The following ATP13A3 variants were observed in gnomAD, a reference collection of about 807,000 sequenced individuals.
ATP13A3 encodes the protein ATPase 13A3.
In ATP13A3, 59 loss-of-function variants were observed where a neutral mutation model predicts 158.1. The observed-to-expected ratio is 0.37, with a 90% CI of 0.30 to 0.46. ATP13A3 has a LOEUF of 0.46. ATP13A3 is among the 20% of genes least tolerant of loss of function. ATP13A3 has a pLI of 1.00. For missense variants in ATP13A3, 1,166 were observed against 1,525.2 expected (o/e 0.76, Z 3.92); for synonymous variants, 491 against 504.3 (o/e 0.97, Z 0.35).
At chr3:194,426,399 C>T (rs1470144613) in intron 29 of ATP13A3, among the ~76,000 whole-genome samples, 3 of 152,138 alleles carry the variant, frequency 2.0e-5, no homozygotes, top group South Asian at 2.1e-4. Flanking sequence ...CTACACTCTA[C>T]GAAAAGCAAA....
chr3:194,461,786 T>C (rs1719680438), intron 3 of ATP13A3, among the ~76,000 whole-genome samples: 1 of 152,212 alleles, frequency 6.6e-6, no homozygotes, highest in Non-Finnish European at 1.5e-5. Context: ...TTGGCTTTTT[T>C]TATTAAGCTG....
rs114463319 is a variant in ATP13A3 at position 194,443,282 on chromosome 3, A to G, written c.1559+1443T>C. Among the ~76,000 whole-genome samples the G allele has an allele frequency of 6.1e-3, 924 of 152,314 alleles. 10 individuals are homozygous for G. The highest frequency in any genetic ancestry group is 0.021 in the African/African-American group (876 of 41,560). On this transcript the variant is annotated intron_variant, in intron 15 of 33. Coordinates refer to ENST00000645319, the MANE Select transcript of ATP13A3 (RefSeq NM_001367549.1). ...GTTTTGGGGGGCAGGGGAGTGGTTA[A>G]AAGGCAGTATTAACATCCATGAACT... is the stretch of plus-strand genomic sequence containing the variant.
intron 33 of ATP13A3, among the ~76,000 whole-genome samples, chr3:194,410,580 A>G (rs1261689046): frequency 6.6e-6 from 1 of 152,040 alleles, no homozygotes; most frequent in Non-Finnish European, 1.5e-5. Flanking sequence ...ACAAAAAGAG[A>G]AGGGCAGATA....
At chr3:194,414,190 C>T (rs1263529575) in intron 31 of ATP13A3, among the ~76,000 whole-genome samples, 1 of 152,110 alleles carries the variant, frequency 6.6e-6, no homozygotes, top group Non-Finnish European at 1.5e-5. Context: ...CAGCCAGGCA[C>T]AGTGGCTCAT....
At chr3:194,406,670 T>TA (rs1714959184) in intron 33 of ATP13A3, among the ~76,000 whole-genome samples, 1 of 152,232 alleles carries the variant, frequency 6.6e-6, no homozygotes. Flanking sequence ...AACTATCTTT[T>TA]GGTACTATTG....
chr3:194,406,049 T>G lies in ATP13A3; in HGVS notation c.3641A>C (p.Lys1214Thr), dbSNP rs1714904167. The G allele has an allele frequency of 3.1e-6, 5 of 1,614,186 alleles. No homozygotes were observed. In the East Asian group the frequency reaches 1.1e-4, roughly 36 times the overall value. The change falls in exon 34 of 34, where the codon AAG becomes ACG. Residue 1214 changes from lysine to threonine, a missense_variant. Lys to Thr is a moderately conservative substitution (Grantham distance 78, BLOSUM62 -1). Transcript: ENST00000645319. ...WALGCRKKTP[K>T]AKYMYLAQEL... The stretch of plus-strand genomic sequence containing the variant: ...CTGCGCCAGATACATGTACTTTGCC[T>G]TTGGTGTCTTCTTTCTACAGCCCAG...
In ATP13A3 at chr3:194,425,403, G is replaced by A. The variant is rs1716691578; in HGVS notation, c.3252C>T (p.Tyr1084=). The A allele has an allele frequency of 6.2e-7, 1 of 1,613,424 alleles. No homozygotes were observed. The highest frequency in any genetic ancestry group is 1.1e-5 in the South Asian group (1 of 90,886). ...TTVFFISSFQ[Y]LIVAIAFSKG... Reference sequence around the variant, plus strand: ...TTGAAAAGGCAATTGCCACTATGAGGTACTGAAAACTGGAAATAAAAAACA... The same window carrying A: ...TTGAAAAGGCAATTGCCACTATGAGATACTGAAAACTGGAAATAAAAAACA... Residue 1084 remains tyrosine, a synonymous_variant, in exon 30 of 34, where the codon TAC becomes TAT. Transcript: ENST00000645319.
At chr3:194,426,652 T>C (rs576433374) in intron 29 of ATP13A3, among the ~76,000 whole-genome samples, 1 of 152,302 alleles carries the variant, frequency 6.6e-6, no homozygotes, top group South Asian at 2.1e-4. Flanking sequence ...GACCGTGATA[T>C]ACAGGCAAAT....
intron 31 of ATP13A3, among the ~76,000 whole-genome samples, chr3:194,416,074 AAAGT>A (rs1715830136): frequency 6.6e-6 from 1 of 152,196 alleles, no homozygotes; most frequent in Non-Finnish European, 1.5e-5. Flanking sequence ...CTAGAAATGC[AAAGT>A]TAGTTCAATA....
chr3:194,426,129 G>A (rs1310744247), intron 29 of ATP13A3, among the ~76,000 whole-genome samples: 6 of 152,092 alleles, frequency 3.9e-5, no homozygotes, highest in East Asian at 1.9e-4. Context: ...CTCACGAAAC[G>A]TGATTAACAG....
intron 11 of ATP13A3, among the ~76,000 whole-genome samples, chr3:194,449,082 C>T (rs1011867955): frequency 7.4e-6 from 1 of 135,576 alleles, no homozygotes; most frequent in African/African-American, 2.9e-5. Context: ...CACACACACA[C>T]ACACACACAG....
chr3:194,492,882 C>T (rs954626089), intron 2 of ATP13A3, among the ~76,000 whole-genome samples: 1 of 152,028 alleles, frequency 6.6e-6, no homozygotes, highest in Non-Finnish European at 1.5e-5. Flanking sequence ...TTGTATGACA[C>T]TTATGTAAGA....
At chr3:194,439,024 G>T in intron 16 of ATP13A3, 52 bp from the exon 17 acceptor site, 1 of 1,183,718 alleles carries the variant, frequency 8.4e-7, no homozygotes, top group Non-Finnish European at 1.2e-6. Context: ...TTCAAGCACT[G>T]CTTCATAAAA....
intron 2 of ATP13A3, among the ~76,000 whole-genome samples, chr3:194,481,941 T>C (rs1720769537): frequency 6.6e-6 from 1 of 152,196 alleles, no homozygotes; most frequent in Non-Finnish European, 1.5e-5. Context: ...ACTATTCGAG[T>C]TAATGTTTTA....
intron 30 of ATP13A3, among the ~76,000 whole-genome samples, chr3:194,421,827 A>C (rs1199187250): frequency 6.6e-6 from 1 of 151,826 alleles, no homozygotes; most frequent in Non-Finnish European, 1.5e-5. Context: ...CACGGAGACT[A>C]AAAAAGAAAT....
chr3:194,410,310 A>C (rs1264242820), intron 33 of ATP13A3, among the ~76,000 whole-genome samples: 2 of 141,738 alleles, frequency 1.4e-5, no homozygotes, highest in African/African-American at 2.7e-5. Context: ...AAAAAAAAAA[A>C]AAAAAAAAAA....
At chr3:194,429,581 T>C in intron 27 of ATP13A3, 97 bp downstream of exon 27, 1 of 818,068 alleles carries the variant, frequency 1.2e-6, no homozygotes, top group Non-Finnish European at 1.9e-6. Flanking sequence ...ACAGAAACAA[T>C]TACTAATGGA....
Position 194,429,684 on chromosome 3 carries a change from C to T in ATP13A3, c.2868G>A (p.Leu956=). 7 of 1,604,694 alleles carry T rather than the reference C, an allele frequency of 4.4e-6. No homozygotes were observed. Among genetic ancestry groups the T allele is most frequent in the Non-Finnish European group, 5.1e-6 (6 of 1,171,866 alleles). ...ACACAATGTTAATACTCACAGAATA[C>T]AGCAGAGTAACACTGAAGTACTGGA... ...SIIQYFSVTL[L]YSILSNLGDF... is the part of the protein sequence containing the mutation. Residue 956 remains leucine (L), a synonymous_variant, in exon 27 of 34, where the codon CTG becomes CTA. Transcript: ENST00000645319.
intron 2 of ATP13A3, among the ~76,000 whole-genome samples, chr3:194,474,167 T>G (rs943599302): frequency 2.6e-5 from 4 of 152,150 alleles, no homozygotes; most frequent in Non-Finnish European, 5.9e-5. Flanking sequence ...AAAAGAGTTT[T>G]TCGGGTTTTT....
Sources: gnomAD v4.1 joint callset for allele counts (sites outside exome capture counted in the v4.1 genomes callset) on GRCh38, gnomAD v4.1.1 for gene constraint, MANE v1.5 for transcripts, NCBI Gene and HGNC (gene_info 2026-07-23, HGNC 2026-07-21) for gene names.